TLN2: variants seen among roughly 807,000 people sequenced by gnomAD.
TLN2 encodes the protein talin 2.
TLN2 carries 118 observed loss-of-function variants against 294.7 expected under a neutral mutation model. The observed-to-expected ratio is 0.40, with a 90% CI of 0.34 to 0.47. The LOEUF (loss-of-function observed/expected upper bound fraction) is 0.47, where lower values mean the gene tolerates loss of function less well. Ranked by LOEUF, TLN2 falls within the 20% of genes least tolerant of loss-of-function variation. TLN2 has a pLI of 0.84. For missense variants in TLN2, 3,083 were observed against 3,282.2 expected, an observed-to-expected ratio of 0.94 and a Z score of 1.48; for synonymous variants, 1,431 against 1,304.5, an observed-to-expected ratio of 1.10 and a Z score of -2.09.
chr15:62,676,662 C>T (rs1036225076), intron 11 of TLN2, among the ~76,000 whole-genome samples: 13 of 152,262 alleles, frequency 8.5e-5, no homozygotes, highest in African/African-American at 2.2e-4. Flanking sequence ...TCGCCCAGGC[C>T]GGAGTGCAGT....
At chr15:62,564,735 C>T (rs1318480601) in intron 1 of TLN2, among the ~76,000 whole-genome samples, 7 of 151,780 alleles carry the variant, frequency 4.6e-5, no homozygotes, top group Admixed American at 1.3e-4. Context: ...GGCAAAACCC[C>T]GTCTTTACTA....
intron 1 of TLN2, among the ~76,000 whole-genome samples, chr15:62,540,992 C>G (rs1422783109): frequency 2.0e-5 from 3 of 152,138 alleles, no homozygotes; most frequent in Non-Finnish European, 2.9e-5. Context: ...AAGAGGATGA[C>G]TACCCAGGTC....
intron 57 of TLN2, 94 bp from the exon 58 acceptor site, chr15:62,838,762 C>A: frequency 6.7e-7 from 1 of 1,494,330 alleles, no homozygotes. Flanking sequence ...AATCAATTGA[C>A]TCATGGTCTC....
chr15:62,643,405 A>ATTTTTT (rs571288380), intron 3 of TLN2, among the ~76,000 whole-genome samples: 10 of 90,744 alleles, frequency 1.1e-4, no homozygotes, highest in African/African-American at 3.2e-4. Context: ...TGGTTCCAGG[A>ATTTTTT]TTTTTTTTTT....
chr15:62,536,274 A>T (rs1311772582), intron 1 of TLN2, among the ~76,000 whole-genome samples: 1 of 152,124 alleles, frequency 6.6e-6, no homozygotes, highest in African/African-American at 2.4e-5. Flanking sequence ...AGGTGTTGCT[A>T]ATGGGCAGCC....
intron 22 of TLN2, among the ~76,000 whole-genome samples, chr15:62,712,891 G>A (rs1367788473): frequency 6.6e-6 from 1 of 152,120 alleles, no homozygotes; most frequent in African/African-American, 2.4e-5. Context: ...AGAAAATGCA[G>A]ATAAATGTGA....
chr15:62,783,921 T>C lies in TLN2; in HGVS notation c.5736+31T>C, dbSNP rs148879771. ...CCACCTTAAGACCCCTATTTTAAGA[T>C]GCACACACACACTGGTGCCCACTCC... On this transcript the variant is annotated intron_variant, in intron 45 of 58. Transcript: ENST00000636159. The C allele has an allele frequency of 1.3e-4, 212 of 1,612,236 alleles. 1 individual carries two copies. The African/African-American group carries it at 2.4e-3, about 18-fold the overall frequency.
intron 32 of TLN2, among the ~76,000 whole-genome samples, chr15:62,741,633 A>G (rs1368588520): frequency 6.6e-6 from 1 of 151,742 alleles, no homozygotes; most frequent in African/African-American, 2.4e-5. Flanking sequence ...AAGCAGGACT[A>G]TTAGGGGATA....
At chr15:62,415,772 G>C (rs1288343569) in intron 1 of TLN2, among the ~76,000 whole-genome samples, 1 of 152,202 alleles carries the variant, frequency 6.6e-6, no homozygotes, top group African/African-American at 2.4e-5. Context: ...TCTTTGCAGT[G>C]TGTGAGGCTG....
chr15:62,770,980 G>A lies in TLN2; in HGVS notation c.5213G>A (p.Ser1738Asn), dbSNP rs762154693. Residue 1738 changes from serine (S) to asparagine (N), a missense_variant, in exon 42 of 59, where the codon AGC becomes AAC. Transcript: ENST00000636159. ...QLGHKVTQLA[S>N]YFEPLILAAV... ...TTTTGAAAGGTGACACAACTGGCAA[G>A]CTATTTTGAGCCCTTGATCTTAGCC... The A allele has an allele frequency of 1.5e-5, 23 of 1,578,534 alleles. No individual in the cohort carries two copies. The East Asian group carries it at 5.2e-4, about 36-fold the overall frequency.
chr15:62,513,786 G>T (rs1028401339), intron 1 of TLN2, among the ~76,000 whole-genome samples: 2 of 152,194 alleles, frequency 1.3e-5, no homozygotes, highest in Admixed American at 1.3e-4. Context: ...CAAAATTGGT[G>T]CTAAATAAAT....
intron 1 of TLN2, among the ~76,000 whole-genome samples, chr15:62,507,061 G>T (rs921284876): frequency 6.6e-6 from 1 of 152,156 alleles, no homozygotes; most frequent in African/African-American, 2.4e-5. Flanking sequence ...ATAAGGATTA[G>T]AAATAATTTT....
At position 62,697,884 on chromosome 15, in the gene TLN2, C is replaced by G; in HGVS notation, c.1473+16C>G. 6.2e-7 allele frequency: 1 copy of G among 1,608,612 alleles called. No homozygotes were observed. On this transcript the variant is annotated intron_variant, in intron 15 of 58. Transcript: ENST00000636159. ...GCCGCCACTGGTGAGGCTTCCTGTG[C>G]TCGTCCCCCACTCGTTAGTCTGCTG...
At chr15:62,776,954 C>T in intron 43 of TLN2, 44 bp downstream of exon 43, 1 of 1,399,150 alleles carries the variant, frequency 7.1e-7, no homozygotes, top group East Asian at 2.7e-5. Flanking sequence ...ATCTCCCTCA[C>T]CCATGGGCCT....
At chr15:62,493,576 C>G (rs1203585163) in intron 1 of TLN2, among the ~76,000 whole-genome samples, 1 of 151,712 alleles carries the variant, frequency 6.6e-6, no homozygotes, top group African/African-American at 2.4e-5. Flanking sequence ...CGCTCTCCCA[C>G]GTAGGAAGCT....
chr15:62,494,808 G>A (rs2038935757), intron 1 of TLN2, among the ~76,000 whole-genome samples: 1 of 152,160 alleles, frequency 6.6e-6, no homozygotes, highest in Admixed American at 6.5e-5. Context: ...GCTGGAAAGT[G>A]GTTAGGGGAT....
chr15:62,583,927 G>T (rs1043658841), intron 1 of TLN2, among the ~76,000 whole-genome samples: 5 of 152,154 alleles, frequency 3.3e-5, no homozygotes, highest in Non-Finnish European at 5.9e-5. Context: ...AGCTCATAAA[G>T]ACAGTGTGAA....
At position 62,753,702 on chromosome 15, in the gene TLN2, G is replaced by A. The variant is rs1250120087; in HGVS notation, c.4333-71G>A. 101 of 1,523,620 alleles carry A rather than the reference G, an allele frequency of 6.6e-5. No individual in the cohort carries two copies. In the Middle Eastern group the frequency reaches 7.2e-4, roughly 11 times the overall value. 94.4% of individuals were successfully genotyped at this position (1,523,620 alleles called of 1,614,324 possible). On this transcript the variant is annotated intron_variant, in intron 35 of 58. Coordinates refer to ENST00000636159, the MANE Select transcript of TLN2 (RefSeq NM_015059.3). ...AGTGTGACAGCTGCATGTGTAGTGC[G>A]GACCATCATCCCCAGCAGGCTCACC...
chr15:62,790,693 G>T (rs1842158556), intron 45 of TLN2, among the ~76,000 whole-genome samples: 1 of 152,182 alleles, frequency 6.6e-6, no homozygotes, highest in Non-Finnish European at 1.5e-5. Flanking sequence ...TAACTCTGTG[G>T]ATCTGGAACA....
Sources: gnomAD v4.1 joint callset for allele counts (sites outside exome capture counted in the v4.1 genomes callset) on GRCh38, gnomAD v4.1.1 for gene constraint, MANE v1.5 for transcripts, NCBI Gene and HGNC (gene_info 2026-07-23, HGNC 2026-07-21) for gene names.